MYO16: variants seen among roughly 807,000 people sequenced by gnomAD.
MYO16 encodes unconventional myosin-XVI.
MYO16 carries 94 observed loss-of-function variants against 205.3 expected under a neutral mutation model. The ratio of observed to expected loss-of-function variants is 0.46; its 90% CI spans 0.39 to 0.54. MYO16 has a LOEUF of 0.54. MYO16 is among the 20% of genes least tolerant of loss of function. The pLI is 0.00. For synonymous variants in MYO16, 988 were observed against 954.0 expected (o/e 1.04, Z -0.66); for missense variants, 2,315 against 2,387.5 (o/e 0.97, Z 0.63).
chr13:108,638,275 A>C (rs1436189448), intron 1 of MYO16, among the ~76,000 whole-genome samples: 1 of 151,814 alleles, frequency 6.6e-6, no homozygotes, highest in African/African-American at 2.4e-5. Context: ...CTAGGCTGTC[A>C]AAAGTTAGGT....
At chr13:109,093,288 T>C (rs1217076314) in intron 27 of MYO16, among the ~76,000 whole-genome samples, 10 of 152,154 alleles carry the variant, frequency 6.6e-5, no homozygotes, top group Admixed American at 5.9e-4. Flanking sequence ...ATAACACAGC[T>C]TGAGGTTGGA....
At chr13:109,099,470 A>C (rs1209357238) in intron 27 of MYO16, among the ~76,000 whole-genome samples, 2 of 152,222 alleles carry the variant, frequency 1.3e-5, no homozygotes, top group African/African-American at 4.8e-5. Flanking sequence ...ATAGGAAGGA[A>C]TAAGTCTGTT....
In MYO16 at chr13:108,859,594, A is replaced by T. The variant is rs528779142; in HGVS notation, c.1359+4041A>T. Among the ~76,000 whole-genome samples, 3 of 152,288 alleles carry T rather than the reference A, an allele frequency of 2.0e-5. No individual in the cohort carries two copies. In the South Asian group the frequency reaches 6.2e-4, roughly 32 times the overall value. On this transcript the variant is annotated intron_variant, in intron 11 of 34. Transcript: ENST00000457511. ...GGGAGTTTCCACAGTCTGCAGTATTAGGGAGTTCTCCAACCTTCAAACAGA... is the reference window on the plus strand; with the variant it reads ...GGGAGTTTCCACAGTCTGCAGTATTTGGGAGTTCTCCAACCTTCAAACAGA...
At chr13:109,150,580 C>T (rs564464891) in intron 32 of MYO16, among the ~76,000 whole-genome samples, 84 of 152,264 alleles carry the variant, frequency 5.5e-4, no homozygotes, top group African/African-American at 1.8e-3. Flanking sequence ...ACCAGAGATA[C>T]GTATCTAGCG....
At chr13:108,793,159 G>A (rs1037302418) in intron 5 of MYO16, among the ~76,000 whole-genome samples, 11 of 151,750 alleles carry the variant, frequency 7.2e-5, no homozygotes, top group African/African-American at 2.4e-4. Flanking sequence ...AGTGGCGGGC[G>A]CCTGTAGTCC....
intron 3 of MYO16, among the ~76,000 whole-genome samples, chr13:108,723,822 T>C (rs993095516): frequency 2.0e-5 from 3 of 152,154 alleles, no homozygotes; most frequent in Admixed American, 6.5e-5. Flanking sequence ...CATTAACTTA[T>C]GAATTTTAGA....
At chr13:108,581,471 C>T in the MYO16 span, among the ~76,000 whole-genome samples, 5 of 152,024 alleles carry the variant, frequency 3.3e-5, no homozygotes, top group African/African-American at 4.8e-5. Flanking sequence ...TTATATCTCT[C>T]GCCCTTCTTC....
chr13:109,111,582 TG>T (rs1442785100), intron 28 of MYO16, among the ~76,000 whole-genome samples: 1 of 152,212 alleles, frequency 6.6e-6, no homozygotes, highest in Admixed American at 6.5e-5. Flanking sequence ...AGATTAATTT[TG>T]TATGAAAATG....
At chr13:108,575,909 A>G in the MYO16 span, among the ~76,000 whole-genome samples, 1 of 152,108 alleles carries the variant, frequency 6.6e-6, no homozygotes, top group South Asian at 2.1e-4. Flanking sequence ...ATAGAGTTTA[A>G]ATCCTTCTAG....
chr13:108,533,651 A>G, the MYO16 span, among the ~76,000 whole-genome samples: 7 of 152,300 alleles, frequency 4.6e-5, no homozygotes, highest in Non-Finnish European at 8.8e-5. Flanking sequence ...ACTCTGTCAT[A>G]TGTATTTATC....
the MYO16 span, among the ~76,000 whole-genome samples, chr13:108,567,292 G>A: frequency 2.6e-5 from 4 of 152,192 alleles, no homozygotes; most frequent in Non-Finnish European, 4.4e-5. Context: ...GACTGGTTAT[G>A]AAGGGAGAGA....
intron 27 of MYO16, among the ~76,000 whole-genome samples, chr13:109,056,214 A>G (rs889524093): frequency 1.3e-5 from 2 of 152,100 alleles, no homozygotes; most frequent in African/African-American, 4.8e-5. Flanking sequence ...TGAAAAATAC[A>G]CTGTGCACAA....
intron 15 of MYO16, among the ~76,000 whole-genome samples, chr13:108,900,688 G>A: frequency 6.6e-6 from 1 of 152,086 alleles, no homozygotes; most frequent in East Asian, 1.9e-4. Flanking sequence ...GGTTGCCTCA[G>A]GACCCTGTGA....
chr13:108,857,626 A>G lies in MYO16; in HGVS notation c.1359+2073A>G, dbSNP rs192202255. Among the ~76,000 whole-genome samples, 19 of 152,342 alleles carry G rather than the reference A, an allele frequency of 1.2e-4. No homozygotes were observed. In the East Asian group the frequency reaches 3.1e-3, roughly 25 times the overall value. ...ACTTCTCCTTTAATCCCAGAGTAAAAACTACACAATTGCTATTTTTGCATT... is the reference window on the plus strand; with the variant it reads ...ACTTCTCCTTTAATCCCAGAGTAAAGACTACACAATTGCTATTTTTGCATT... On this transcript the variant is annotated intron_variant, in intron 11 of 34. Coordinates refer to ENST00000457511, the MANE Select transcript of MYO16 (RefSeq NM_001198950.3).
chr13:109,138,673 G>A (rs1370160107), intron 31 of MYO16, among the ~76,000 whole-genome samples: 1 of 151,966 alleles, frequency 6.6e-6, no homozygotes, highest in East Asian at 1.9e-4. Context: ...TTGAGTATGT[G>A]TTTTTGTTAA....
At chr13:108,899,948 G>GCA (rs1880627136) in intron 15 of MYO16, among the ~76,000 whole-genome samples, 1 of 152,046 alleles carries the variant, frequency 6.6e-6, no homozygotes, top group African/African-American at 2.4e-5. Flanking sequence ...TTCATGGGAC[G>GCA]TGAGTGTCTG....
chr13:108,967,392 T>C (rs1400687141), intron 20 of MYO16, among the ~76,000 whole-genome samples: 1 of 152,194 alleles, frequency 6.6e-6, no homozygotes, highest in Admixed American at 6.5e-5. Context: ...AAATAGGTTT[T>C]GCTTCTAAAC....
intron 25 of MYO16, among the ~76,000 whole-genome samples, chr13:109,052,688 A>G (rs774500239): frequency 1.3e-5 from 2 of 152,078 alleles, no homozygotes; most frequent in Non-Finnish European, 2.9e-5. Flanking sequence ...AATAGTAAGT[A>G]TAGTCCGAGT....
chr13:108,758,028 G>T (rs1885480030), intron 4 of MYO16, among the ~76,000 whole-genome samples: 1 of 152,116 alleles, frequency 6.6e-6, no homozygotes, highest in South Asian at 2.1e-4. Flanking sequence ...CCTTCTAATT[G>T]AGATTAGTCC....
Sources: gnomAD v4.1 joint callset for allele counts (sites outside exome capture counted in the v4.1 genomes callset) on GRCh38, gnomAD v4.1.1 for gene constraint, MANE v1.5 for transcripts, NCBI Gene and HGNC (gene_info 2026-07-23, HGNC 2026-07-21) for gene names.